Variants in PTPRD observed in about 807,000 individuals in gnomAD.
PTPRD encodes receptor-type tyrosine-protein phosphatase delta.
PTPRD carries 34 observed loss-of-function variants against 214.5 expected under a neutral mutation model. The observed-to-expected ratio is 0.16, with a 90% CI of 0.12 to 0.21. The LOEUF (loss-of-function observed/expected upper bound fraction) is 0.21, where lower values mean the gene tolerates loss of function less well. Ranked by LOEUF, PTPRD falls within the 10% of genes least tolerant of loss-of-function variation. PTPRD has a pLI of 1.00. For synonymous variants in PTPRD, 1,128 were observed against 845.7 expected, an observed-to-expected ratio of 1.33 and a Z score of -5.79; for missense variants, 2,545 against 2,398.7, an observed-to-expected ratio of 1.06 and a Z score of -1.27.
chr9:10,182,098 CAA>C (rs34271343), intron 3 of PTPRD, among the ~76,000 whole-genome samples: 7 of 120,958 alleles, frequency 5.8e-5, no homozygotes, highest in Non-Finnish European at 8.8e-5. Context: ...ACTAAAAATA[CAA>C]AAAAAAAAAA....
intron 31 of PTPRD, among the ~76,000 whole-genome samples, chr9:8,468,695 A>G (rs2096592985): frequency 6.6e-6 from 1 of 151,638 alleles, no homozygotes; most frequent in Non-Finnish European, 1.5e-5. Context: ...CTTTCTGAAA[A>G]ATTACTTGAT....
At chr9:9,570,288 G>T (rs1391142304) in intron 8 of PTPRD, among the ~76,000 whole-genome samples, 1 of 151,304 alleles carries the variant, frequency 6.6e-6, no homozygotes, top group African/African-American at 2.4e-5. Context: ...TTTAAATTTT[G>T]GGTCCAAATA....
At chr9:8,324,439 T>C (rs1419767752) in intron 44 of PTPRD, among the ~76,000 whole-genome samples, 2 of 152,212 alleles carry the variant, frequency 1.3e-5, no homozygotes, top group South Asian at 2.1e-4. Context: ...CTCATCCTTT[T>C]TTATGGCTGC....
rs548603196 is a variant in PTPRD at position 9,335,139 on chromosome 9, T to C, written c.-203+62310A>G. ...ATCAACTGAAAATTTGGTTTTTGCC[T>C]GATATTCCGTGTTAGCTTTGCTATT... On this transcript the variant is annotated intron_variant, in intron 9 of 45. Coordinates refer to ENST00000381196, the MANE Select transcript of PTPRD (RefSeq NM_002839.4). Among the ~76,000 whole-genome samples the C allele has an allele frequency of 5.8e-4, 88 of 152,144 alleles. 1 individual carries two copies. The South Asian group carries it at 0.013, about 23-fold the overall frequency.
chr9:10,561,166 T>C (rs1284799407), intron 2 of PTPRD, among the ~76,000 whole-genome samples: 3 of 152,194 alleles, frequency 2.0e-5, no homozygotes, highest in African/African-American at 7.2e-5. Context: ...GACCCATGGT[T>C]GAAATCCATG....
Position 8,951,877 on chromosome 9 carries a change from C to A in PTPRD, c.-104+66820G>T, listed in dbSNP as rs191893081. 5.3e-5 allele frequency among the ~76,000 whole-genome samples: 8 copies of A among 152,140 alleles called. No homozygotes were observed. The East Asian group carries it at 1.5e-3, about 29-fold the overall frequency. On this transcript the variant is annotated intron_variant, in intron 11 of 45. Coordinates refer to ENST00000381196, the MANE Select transcript of PTPRD (RefSeq NM_002839.4). ...TGAAAATTTTCTCCTGCTCAAAATT[C>A]TCCAGTGCGTTTCTAAACCACACTT...
At chr9:9,440,182 A>G (rs892463539) in intron 8 of PTPRD, among the ~76,000 whole-genome samples, 1 of 152,228 alleles carries the variant, frequency 6.6e-6, no homozygotes, top group Non-Finnish European at 1.5e-5. Context: ...AAGTAATGTT[A>G]TTGCATAAAT....
chr9:9,256,670 T>G, intron 9 of PTPRD, among the ~76,000 whole-genome samples: 1 of 152,096 alleles, frequency 6.6e-6, no homozygotes, highest in East Asian at 2.0e-4. Flanking sequence ...TATAATATAG[T>G]TTCTTTCTAT....
At chr9:9,731,825 T>G (rs1175455166) in intron 7 of PTPRD, among the ~76,000 whole-genome samples, 5 of 152,154 alleles carry the variant, frequency 3.3e-5, no homozygotes, top group African/African-American at 1.2e-4. Flanking sequence ...AGTTAGTTAA[T>G]TGAAAATATT....
At chr9:10,512,935 A>C (rs1023054362) in intron 2 of PTPRD, among the ~76,000 whole-genome samples, 2 of 152,148 alleles carry the variant, frequency 1.3e-5, no homozygotes, top group Non-Finnish European at 2.9e-5. Context: ...AAGAGGACTG[A>C]AATTACTTAT....
chr9:8,949,910 C>A (rs572968918), intron 11 of PTPRD, among the ~76,000 whole-genome samples: 18 of 152,102 alleles, frequency 1.2e-4, no homozygotes, highest in Non-Finnish European at 1.9e-4. Flanking sequence ...CTGCTCACTT[C>A]AGTTACTTTT....
chr9:10,492,814 A>G (rs1245944773), intron 2 of PTPRD, among the ~76,000 whole-genome samples: 1 of 152,104 alleles, frequency 6.6e-6, no homozygotes, highest in Non-Finnish European at 1.5e-5. Context: ...GGTATTGCCT[A>G]GACTTTCTTT....
At chr9:9,504,134 A>G (rs924123391) in intron 8 of PTPRD, among the ~76,000 whole-genome samples, 1 of 151,706 alleles carries the variant, frequency 6.6e-6, no homozygotes, top group Non-Finnish European at 1.5e-5. Context: ...TCTCTCTATT[A>G]TTTGGGTTGA....
At chr9:8,987,015 C>T (rs1330744340) in intron 11 of PTPRD, among the ~76,000 whole-genome samples, 1 of 151,558 alleles carries the variant, frequency 6.6e-6, no homozygotes, top group Non-Finnish European at 1.5e-5. Context: ...TTGTTATTTG[C>T]AACCCAAAGA....
intron 5 of PTPRD, among the ~76,000 whole-genome samples, chr9:9,869,749 A>T (rs1342257275): frequency 6.6e-6 from 1 of 151,998 alleles, no homozygotes; most frequent in African/African-American, 2.4e-5. Flanking sequence ...ATAAATTAGT[A>T]ACAAAAACAG....
At chr9:8,937,030 A>G (rs551220065) in intron 11 of PTPRD, among the ~76,000 whole-genome samples, 8 of 152,320 alleles carry the variant, frequency 5.3e-5, no homozygotes, top group African/African-American at 1.9e-4. Flanking sequence ...TGTTACAGAC[A>G]TTACCACTTT....
intron 2 of PTPRD, among the ~76,000 whole-genome samples, chr9:10,448,081 C>T (rs1487548387): frequency 6.6e-6 from 1 of 151,880 alleles, no homozygotes; most frequent in South Asian, 2.1e-4. Flanking sequence ...AACTGAGCCC[C>T]AAATATAATT....
At chr9:9,737,783 A>G (rs1235002003) in intron 6 of PTPRD, among the ~76,000 whole-genome samples, 1 of 152,210 alleles carries the variant, frequency 6.6e-6, no homozygotes, top group Admixed American at 6.5e-5. Flanking sequence ...ATGAATAACA[A>G]TGCTATGAAC....
chr9:10,025,561 A>T (rs1000230395), intron 4 of PTPRD, among the ~76,000 whole-genome samples: 1 of 152,052 alleles, frequency 6.6e-6, no homozygotes, highest in East Asian at 1.9e-4. Context: ...TTTCTTTCAG[A>T]CTCTCTTGGT....
Sources: allele counts gnomAD v4.1 joint callset (sites outside exome capture counted in the v4.1 genomes callset), GRCh38; gene constraint gnomAD v4.1.1; transcripts MANE v1.5; gene names NCBI Gene and HGNC (gene_info 2026-07-23, HGNC 2026-07-21).